PLAG1: variants seen among roughly 807,000 people sequenced by gnomAD.
PLAG1 encodes the protein zinc finger protein PLAG1.
In PLAG1, 7 loss-of-function variants were observed where a neutral mutation model predicts 35.5. The observed-to-expected ratio is 0.20, with a 90% CI of 0.11 to 0.37. PLAG1 has a LOEUF of 0.37. PLAG1 is among the 10% of genes least tolerant of loss of function. The pLI is 1.00. For missense variants in PLAG1, 454 were observed against 602.8 expected (o/e 0.75, Z 2.58); for synonymous variants, 229 against 225.4 (o/e 1.02, Z -0.14).
chr8:56,174,912 G>C (rs1023109562), intron 2 of PLAG1, among the ~76,000 whole-genome samples: 2 of 152,174 alleles, frequency 1.3e-5, no homozygotes, highest in African/African-American at 4.8e-5. Context: ...ATGGCAGGAT[G>C]TGCATAGGTT....
chr8:56,169,620 C>CTATG (rs1811459167), intron 3 of PLAG1, among the ~76,000 whole-genome samples: 1 of 152,120 alleles, frequency 6.6e-6, no homozygotes, highest in Non-Finnish European at 1.5e-5. Context: ...CTCACTGCAG[C>CTATG]CTTGACTTCC....
intron 1 of PLAG1, among the ~76,000 whole-genome samples, chr8:56,196,866 G>T (rs1400565952): frequency 6.6e-6 from 1 of 151,870 alleles, no homozygotes; most frequent in African/African-American, 2.4e-5. Context: ...GTGCATGTGT[G>T]TGCACACATG....
Position 56,168,150 on chromosome 8 carries a change from G to C in PLAG1, c.120C>G (p.Asp40Glu). Residue 40 changes from aspartate to glutamate, a missense_variant, in exon 4 of 5, where the codon GAC becomes GAG. Asp to Glu is a conservative substitution (Grantham distance 45). Around this residue, in one of 4 missense-constraint regions of PLAG1, gnomAD observed 170 missense variants for 226.3 expected, o/e 0.75. Transcript: ENST00000316981. ...PRKNFPCQLC[D>E]KAFNSVEKLK... The stretch of plus-strand genomic sequence containing the variant: ...ATTTCTCAACACTGTTAAAGGCCTT[G>C]TCACACAGTTGGCAAGGAAAGTTTT... 2 of 1,613,444 alleles carry C rather than the reference G, an allele frequency of 1.2e-6. No homozygotes were observed. Among genetic ancestry groups the C allele is most frequent in the South Asian group, 2.2e-5 (2 of 91,070 alleles).
At chr8:56,191,609 T>G (rs752368826) in intron 1 of PLAG1, among the ~76,000 whole-genome samples, 2 of 151,966 alleles carry the variant, frequency 1.3e-5, no homozygotes, top group Non-Finnish European at 2.9e-5. Context: ...CCAAAAGAGG[T>G]GCCAATTTCA....
At chr8:56,203,400 A>C (rs1812612599) in intron 1 of PLAG1, among the ~76,000 whole-genome samples, 1 of 152,140 alleles carries the variant, frequency 6.6e-6, no homozygotes, top group Admixed American at 6.5e-5. Context: ...AATATATTTT[A>C]ATACAGCATC....
At chr8:56,190,766 GAA>G (rs1470157093) in intron 1 of PLAG1, among the ~76,000 whole-genome samples, 4 of 152,178 alleles carry the variant, frequency 2.6e-5, no homozygotes, top group Non-Finnish European at 5.9e-5. Context: ...CAGGGCATAA[GAA>G]GAGATAGAGG....
rs996011503 is a variant in PLAG1, at chr8:56,175,824, A to G, written c.-217+3585T>C. On this transcript the variant is annotated intron_variant, in intron 2 of 4. Transcript: ENST00000316981. The stretch of plus-strand genomic sequence containing the variant: ...TCCAAAGTGGAATCAGAAAACCCCA[A>G]TATCAGTTCTCTTATCTGTACAAGC... 1.2e-4 allele frequency among the ~76,000 whole-genome samples: 19 copies of G among 152,110 alleles called. 1 individual carries two copies. The highest frequency in any genetic ancestry group is 7.2e-4 in the Admixed American group (11 of 15,280).
At chr8:56,169,131 G>A (rs923133733) in intron 3 of PLAG1, among the ~76,000 whole-genome samples, 49 of 152,116 alleles carry the variant, frequency 3.2e-4, no homozygotes, top group African/African-American at 1.1e-3. Flanking sequence ...TTTCCTCATC[G>A]TTTTTCACAT....
intron 1 of PLAG1, among the ~76,000 whole-genome samples, chr8:56,198,348 A>G (rs1812444330): frequency 6.6e-6 from 1 of 152,212 alleles, no homozygotes; most frequent in African/African-American, 2.4e-5. Context: ...CAGCTGAGGC[A>G]GGCAGGCTGT....
intron 1 of PLAG1, among the ~76,000 whole-genome samples, chr8:56,196,547 T>C (rs1237501136): frequency 6.6e-6 from 1 of 152,056 alleles, no homozygotes; most frequent in African/African-American, 2.4e-5. Flanking sequence ...CCTGGCTCTA[T>C]GGGCACACCC....
rs755390631 is a variant in PLAG1, at chr8:56,167,403, C to A, written c.343G>T (p.Asp115Tyr). The part of the protein sequence containing the change: ...DHLKNHLHTH[D>Y]PNKETFKCEE... ...CACTTAAACGTCTCTTTGTTAGGGTCGTGTGTATGGAGGTGATTCTTCAGA... is the reference window on the plus strand; with the variant it reads ...CACTTAAACGTCTCTTTGTTAGGGTAGTGTGTATGGAGGTGATTCTTCAGA... Residue 115 changes from aspartate (D) to tyrosine (Y), a missense_variant, in exon 5 of 5, where the codon GAC becomes TAC. By Grantham distance (160) the Asp-to-Tyr change is radical. Coordinates refer to ENST00000316981, the MANE Select transcript of PLAG1 (RefSeq NM_002655.3). The surrounding 1 kb of genome is among the most constrained non-coding windows in gnomAD (Gnocchi z 5.9). 1 of 1,613,528 alleles carries A rather than the reference C, an allele frequency of 6.2e-7. No homozygotes were observed. The highest frequency in any genetic ancestry group is 8.5e-7 in the Non-Finnish European group (1 of 1,179,636).
In PLAG1 at chr8:56,166,920, C is replaced by T. The variant is rs765071996; in HGVS notation, c.826G>A (p.Glu276Lys). 1 of 1,614,052 alleles carries T rather than the reference C, an allele frequency of 6.2e-7. No individual in the cohort carries two copies. The highest frequency in any genetic ancestry group is 1.7e-5 in the Admixed American group (1 of 60,024). Reference protein sequence around the residue: ...LLPVMSLPSSELLSKPFTNTL... With the variant: ...LLPVMSLPSSKLLSKPFTNTL... Reference sequence around the variant, plus strand: ...TTTGTGAATGGCTTTGATAACAGTTCACTGGAAGGTAAGGACATCACCGGA... The same window carrying T: ...TTTGTGAATGGCTTTGATAACAGTTTACTGGAAGGTAAGGACATCACCGGA... Residue 276 changes from glutamate (E) to lysine (K), a missense_variant, in exon 5 of 5, where the codon GAA becomes AAA. Physicochemically the swap from Glu to Lys is moderately conservative, Grantham distance 56 (BLOSUM62 1). This residue lies in a region of PLAG1 where 271 missense variants were observed against 315.6 expected (regional missense o/e 0.86). Coordinates refer to ENST00000316981, the MANE Select transcript of PLAG1 (RefSeq NM_002655.3).
intron 1 of PLAG1, among the ~76,000 whole-genome samples, chr8:56,194,560 G>T (rs1240914411): frequency 2.6e-5 from 4 of 151,956 alleles, no homozygotes; most frequent in Non-Finnish European, 4.4e-5. Flanking sequence ...AAGAGCATCT[G>T]CTGGACTCAG....
chr8:56,177,612 G>C (rs979079546), intron 2 of PLAG1, among the ~76,000 whole-genome samples: 16 of 152,124 alleles, frequency 1.1e-4, no homozygotes, highest in African/African-American at 3.9e-4. Flanking sequence ...AAATTCATCT[G>C]CAGGGATACT....
rs1028797248 is a variant in PLAG1 at position 56,167,174 on chromosome 8, T to C, written c.572A>G (p.Asp191Gly). ...KEKKHQCEHCDRRFYTRKDVR... is the reference protein window; with the variant it reads ...KEKKHQCEHCGRRFYTRKDVR... ...ATCCTTTCGGGTGTAGAACCGGCGATCACAATGTTCGCACTGGTGCTTTTT... is the reference window on the plus strand; with the variant it reads ...ATCCTTTCGGGTGTAGAACCGGCGACCACAATGTTCGCACTGGTGCTTTTT... Residue 191 changes from aspartate (D) to glycine (G), a missense_variant, in exon 5 of 5, where the codon GAT (aspartate) becomes GGT (glycine). Physicochemically the swap from Asp to Gly is moderately conservative, Grantham distance 94. Transcript: ENST00000316981. This position sits in a 1 kb window ranked among gnomAD's most constrained non-coding sequence, Gnocchi z 5.9. The C allele has an allele frequency of 6.2e-7, 1 of 1,613,576 alleles. No individual in the cohort carries two copies. Among genetic ancestry groups the C allele is most frequent in the African/African-American group, 1.3e-5 (1 of 74,846 alleles).
intron 1 of PLAG1, among the ~76,000 whole-genome samples, chr8:56,184,228 C>T (rs576552121): frequency 3.3e-4 from 50 of 152,230 alleles, no homozygotes; most frequent in African/African-American, 1.1e-3. Flanking sequence ...TAAAGGAGCA[C>T]ACGAAAAGAT....
At chr8:56,196,987 T>TGTGCGCGC (rs1227336889) in intron 1 of PLAG1, among the ~76,000 whole-genome samples, 4 of 149,430 alleles carry the variant, frequency 2.7e-5, no homozygotes, top group Non-Finnish European at 6.0e-5. Flanking sequence ...TGTGTGTGTG[T>TGTGCGCGC]GCTCCTCTCT....
intron 1 of PLAG1, among the ~76,000 whole-genome samples, chr8:56,185,409 A>G (rs1369930713): frequency 6.6e-6 from 1 of 152,190 alleles, no homozygotes; most frequent in African/African-American, 2.4e-5. Context: ...AAAATGGCAG[A>G]GTTTTTGTAT....
At chr8:56,190,406 G>A (rs1379361321) in intron 1 of PLAG1, among the ~76,000 whole-genome samples, 2 of 152,198 alleles carry the variant, frequency 1.3e-5, no homozygotes, top group Non-Finnish European at 2.9e-5. Flanking sequence ...CAAGGGAAGA[G>A]AATGTTTCAG....
Sources: allele counts gnomAD v4.1 joint callset (sites outside exome capture counted in the v4.1 genomes callset), GRCh38; gene constraint gnomAD v4.1.1; regional missense constraint gnomAD v4.1.1; non-coding constraint Gnocchi (gnomAD v3.1); transcripts MANE v1.5; gene names NCBI Gene and HGNC (gene_info 2026-07-23, HGNC 2026-07-21).